The following CIP2A variants were observed in gnomAD, a reference collection of about 807,000 sequenced individuals.
The protein encoded by CIP2A is cellular inhibitor of PP2A, also known as protein CIP2A.
In CIP2A, 103 loss-of-function variants were observed where a neutral mutation model predicts 110.9. That is an observed-to-expected ratio of 0.93 (90% CI 0.79 to 1.09). The LOEUF (loss-of-function observed/expected upper bound fraction) is 1.09. Ranked by LOEUF, CIP2A falls within the 50% of genes least tolerant of loss-of-function variation. The pLI, the probability that CIP2A is intolerant of heterozygous loss-of-function variation, is 0.00. For synonymous variants in CIP2A, 381 were observed against 361.6 expected (o/e 1.05, Z -0.61); for missense variants, 1,088 against 1,038.4 (o/e 1.05, Z -0.66).
intron 18 of CIP2A, 107 bp downstream of exon 18, chr3:108,554,269 T>C: frequency 1.8e-6 from 1 of 550,810 alleles, no homozygotes. Context: ...CTAAAATAAG[T>C]GACAATTCTA....
intron 9 of CIP2A, among the ~76,000 whole-genome samples, chr3:108,568,904 T>C (rs991566324): frequency 6.6e-6 from 1 of 151,574 alleles, no homozygotes; most frequent in Non-Finnish European, 1.5e-5. Flanking sequence ...GGGAGAATAG[T>C]AGAGAATATT....
rs377259124 is a variant in CIP2A at position 108,575,763 on chromosome 3, T to C, written c.894+508A>G. Among the ~76,000 whole-genome samples, 22 of 23,170 alleles carry C rather than the reference T, an allele frequency of 9.5e-4. 2 individuals are homozygous for C. Among genetic ancestry groups the C allele is most frequent in the South Asian group, 7.4e-3 (4 of 538 alleles). 15.2% of individuals were successfully genotyped at this position (23,170 alleles called of 152,430 possible). A position where few individuals can be genotyped will look rare whatever the true frequency, so the allele number is the denominator to read the frequency against. On this transcript the variant is annotated intron_variant, in intron 8 of 20. Coordinates refer to ENST00000295746, the MANE Select transcript of CIP2A (RefSeq NM_020890.3). ...ATATACTCATATACATGTGTATATA[T>C]ACGTGTATATATACTCATATACATG...
Position 108,551,240 on chromosome 3 carries a change from T to G in CIP2A, c.2627A>C (p.Glu876Ala). Residue 876 changes from glutamate (E) to alanine (A), a missense_variant, in exon 21 of 21, where the codon GAG (glutamate) becomes GCG (alanine). Glu to Ala is a moderately radical substitution (Grantham distance 107, BLOSUM62 -1). Transcript: ENST00000295746. ...CATGTGGGAGTGTTTGTTCAATTCC[T>G]CTTGCTGAAGTTTCACCAAGGACTC... ...EKESLVKLQQEELNKHSHMIA... is the reference protein window; with the variant it reads ...EKESLVKLQQAELNKHSHMIA... The G allele has an allele frequency of 1.2e-6, 2 of 1,612,418 alleles. No homozygotes were observed. Among genetic ancestry groups the G allele is most frequent in the Non-Finnish European group, 1.7e-6 (2 of 1,178,822 alleles).
At chr3:108,569,187 C>CACAT (rs1938297574) in intron 9 of CIP2A, among the ~76,000 whole-genome samples, 1 of 3,170 alleles carries the variant, frequency 3.2e-4, no homozygotes, top group Non-Finnish European at 8.3e-4. Flanking sequence ...TATATACATA[C>CACAT]ACACTACTCA....
chr3:108,572,561 T>A (rs1410089698), intron 8 of CIP2A, among the ~76,000 whole-genome samples: 2 of 151,414 alleles, frequency 1.3e-5, no homozygotes, highest in African/African-American at 4.9e-5. Context: ...TACTGCACTG[T>A]CTTTAGACTA....
Position 108,583,148 on chromosome 3 carries a change from C to T in CIP2A, c.251-65G>A. 3.7e-6 allele frequency: 3 copies of T among 813,322 alleles called. No individual in the cohort carries two copies. In the South Asian group the frequency reaches 7.6e-5, roughly 21 times the overall value. The allele number at this position is 813,322 out of a possible 1,614,324, so 50.4% of individuals were successfully genotyped here. A position where few individuals can be genotyped will look rare whatever the true frequency, so the allele number is the denominator to read the frequency against. ...TACAAGGTTTTGCAGATAATTCATA[C>T]AGAATTTATTTCATATGAATTTATT... On this transcript the variant is annotated intron_variant, in intron 2 of 20. Coordinates refer to ENST00000295746, the MANE Select transcript of CIP2A (RefSeq NM_020890.3).
intron 1 of CIP2A, among the ~76,000 whole-genome samples, chr3:108,588,283 A>G (rs1225138015): frequency 6.6e-6 from 1 of 152,112 alleles, no homozygotes; most frequent in East Asian, 1.9e-4. Flanking sequence ...ACTTCTTAAA[A>G]TAAAGAATGA....
At chr3:108,555,070 T>C (rs1366487891) in intron 17 of CIP2A, among the ~76,000 whole-genome samples, 1 of 152,188 alleles carries the variant, frequency 6.6e-6, no homozygotes, top group East Asian at 1.9e-4. Context: ...CAATCTGAGT[T>C]TGAGTGCCTT....
chr3:108,583,188 G>A, intron 2 of CIP2A, 105 bp from the exon 3 acceptor site: 1 of 506,008 alleles, frequency 2.0e-6, no homozygotes, highest in Non-Finnish European at 3.3e-6. Context: ...AAAAAGGTAT[G>A]ATATGGCTAT....
chr3:108,573,401 C>T (rs544146799), intron 8 of CIP2A, among the ~76,000 whole-genome samples: 1 of 152,016 alleles, frequency 6.6e-6, no homozygotes, highest in East Asian at 1.9e-4. Context: ...CCACTTCTAT[C>T]ATAACGCGAA....
chr3:108,588,970 A>G (rs982100145), intron 1 of CIP2A, among the ~76,000 whole-genome samples: 1 of 152,236 alleles, frequency 6.6e-6, no homozygotes, highest in African/African-American at 2.4e-5. Flanking sequence ...TAGAAAAACC[A>G]AAACTAGAAG....
At position 108,564,674 on chromosome 3, in the gene CIP2A, G is replaced by T. The variant is rs548939228; in HGVS notation, c.1515+681C>A. ...ATAATTCTATAGGAAAAGTAACTTT[G>T]AAATGACCAATCTGCTTTTAGTTCC... is the stretch of plus-strand genomic sequence containing the variant. On this transcript the variant is annotated intron_variant, in intron 12 of 20. Transcript: ENST00000295746. Among the ~76,000 whole-genome samples, 3 of 151,924 alleles carry T rather than the reference G, an allele frequency of 2.0e-5. No homozygotes were observed. The South Asian group carries it at 6.2e-4, about 32-fold the overall frequency.
At position 108,568,235 on chromosome 3, in the gene CIP2A, T is replaced by G. The variant is rs550992413; in HGVS notation, c.1193A>C (p.Gln398Pro). The change falls in exon 10 of 21, where the codon CAG (glutamine) becomes CCG (proline). Residue 398 changes from glutamine to proline, a missense_variant. Gln to Pro is a moderately conservative substitution (Grantham distance 76). Coordinates refer to ENST00000295746, the MANE Select transcript of CIP2A (RefSeq NM_020890.3). ...LLLPTILDQL[Q>P]FTEQNLDEAL... is the part of the protein sequence containing the mutation. ...CTCATCTAGATTTTGTTCTGTGAAC[T>G]GAAGTTGATCAAGGATTGTAGGCAG... 2.2e-5 allele frequency: 36 copies of G among 1,612,208 alleles called. No homozygotes were observed. Among genetic ancestry groups the G allele is most frequent in the Non-Finnish European group, 2.8e-5 (33 of 1,178,778 alleles).
At chr3:108,585,619 T>C (rs1204602672) in intron 1 of CIP2A, 6 of 452,294 alleles carry the variant, frequency 1.3e-5, no homozygotes, top group Non-Finnish European at 2.2e-5. Context: ...TGCACTCTAG[T>C]ACCAATATAT....
chr3:108,578,953 A>C (rs1353287781), intron 7 of CIP2A, among the ~76,000 whole-genome samples: 1 of 152,192 alleles, frequency 6.6e-6, no homozygotes, highest in Non-Finnish European at 1.5e-5. Context: ...TATAATAAAA[A>C]TACTCTTTCA....
chr3:108,577,152 T>C (rs1401936711), intron 7 of CIP2A, among the ~76,000 whole-genome samples: 1 of 152,194 alleles, frequency 6.6e-6, no homozygotes, highest in Non-Finnish European at 1.5e-5. Flanking sequence ...TTCTATTTAT[T>C]GTCTGATATT....
chr3:108,582,141 A>G lies in CIP2A; in HGVS notation c.419T>C (p.Ile140Thr), dbSNP rs759786613. 14 of 1,508,752 alleles carry G rather than the reference A, an allele frequency of 9.3e-6. No homozygotes were observed. In the South Asian group the frequency reaches 1.6e-4, roughly 17 times the overall value. The allele number at this position is 1,508,752 out of a possible 1,614,324, so 93.5% of individuals were successfully genotyped here. ...NVKIFYSGANIDELITFLIDH... is the reference protein window; with the variant it reads ...NVKIFYSGANTDELITFLIDH... ...TATCAGGAACGTAATTAATTCATCT[A>G]TATTGGCACCAGAATAGAAAATTTT... Residue 140 changes from isoleucine (I) to threonine (T), a missense_variant, in exon 4 of 21, where the codon ATA becomes ACA. Ile to Thr is a moderately conservative substitution (Grantham distance 89). Transcript: ENST00000295746.
chr3:108,552,288 G>T lies in CIP2A; in HGVS notation c.2493C>A (p.Ile831=). 2 of 1,566,148 alleles carry T rather than the reference G, an allele frequency of 1.3e-6. No individual in the cohort carries two copies. The highest frequency in any genetic ancestry group is 1.8e-5 in the Admixed American group (1 of 54,252). The change falls in exon 20 of 21, where the codon ATC becomes ATA. Residue 831 remains isoleucine, a synonymous_variant. Transcript: ENST00000295746. ...CTGTTCTGCTTAATTCTTTTCTAAG[G>T]ATATCAATGGTTTCTTCCTTATCTT... ...EREDKEETID[I]LRKELSRTEQ... is the part of the protein sequence containing the mutation.
intron 19 of CIP2A, 132 bp from the exon 20 acceptor site, chr3:108,552,505 A>G (rs3816486): frequency 8.4e-6 from 4 of 477,724 alleles, no homozygotes; most frequent in African/African-American, 4.1e-5. Context: ...TTATGACAGT[A>G]TTCTATAGAA....
Sources: gnomAD v4.1 joint callset for allele counts (sites outside exome capture counted in the v4.1 genomes callset) on GRCh38, gnomAD v4.1.1 for gene constraint, MANE v1.5 for transcripts, NCBI Gene and HGNC (gene_info 2026-07-23, HGNC 2026-07-21) for gene names.